The following SPATS2L variants were observed in gnomAD, a reference collection of about 807,000 sequenced individuals.
The protein encoded by SPATS2L is spermatogenesis associated serine rich 2 like, also known as SPATS2-like protein.
In SPATS2L, 30 loss-of-function variants were observed where a neutral mutation model predicts 59.6. The observed-to-expected ratio is 0.50, with a 90% CI of 0.38 to 0.68. The LOEUF is 0.68. SPATS2L is among the 30% of genes least tolerant of loss of function. The probability of loss-of-function intolerance (pLI) is 0.00; values close to 1 mark genes in which losing one functional copy is unlikely to be tolerated. For synonymous variants in SPATS2L, 252 were observed against 263.5 expected (o/e 0.96, Z 0.42); for missense variants, 615 against 700.0 (o/e 0.88, Z 1.37).
At chr2:200,341,253 A>G (rs894153590) in intron 2 of SPATS2L, among the ~76,000 whole-genome samples, 1 of 152,200 alleles carries the variant, frequency 6.6e-6, no homozygotes, top group Non-Finnish European at 1.5e-5. Context: ...AACCCTGGGC[A>G]GGGCCTGGAT....
chr2:200,473,083 GAAAA>G (rs11402412), intron 12 of SPATS2L, 31 bp downstream of exon 12: 21 of 1,233,218 alleles, frequency 1.7e-5, no homozygotes, highest in African/African-American at 3.3e-5. Flanking sequence ...GGTGCCAGAG[GAAAA>G]AAAAAAAAAA....
At chr2:200,307,833 T>A (rs62179506) in intron 1 of SPATS2L, among the ~76,000 whole-genome samples, 141 of 152,380 alleles carry the variant, frequency 9.3e-4, no homozygotes, top group Admixed American at 2.2e-3. Context: ...TTTTAGCAGA[T>A]GTCGGGGTTT....
intron 10 of SPATS2L, among the ~76,000 whole-genome samples, chr2:200,467,784 T>C (rs2086702699): frequency 6.6e-6 from 1 of 152,170 alleles, no homozygotes; most frequent in South Asian, 2.1e-4. Context: ...ATGAACGTAG[T>C]GTAATGGTGA....
At chr2:200,437,316 A>ATG (rs2084366230) in intron 6 of SPATS2L, among the ~76,000 whole-genome samples, 2 of 152,234 alleles carry the variant, frequency 1.3e-5, no homozygotes, top group South Asian at 4.1e-4. Context: ...TTTAACACAA[A>ATG]TGTTTATAGA....
chr2:200,372,095 A>G (rs905486349), intron 2 of SPATS2L: 14 of 985,208 alleles, frequency 1.4e-5, no homozygotes, highest in African/African-American at 5.2e-5. Flanking sequence ...CTTGGCTTCA[A>G]TTTTTGCTTC....
At chr2:200,437,672 C>T (rs1430004521) in intron 6 of SPATS2L, among the ~76,000 whole-genome samples, 1 of 152,114 alleles carries the variant, frequency 6.6e-6, no homozygotes, top group Non-Finnish European at 1.5e-5. Context: ...ATTTTGTGTA[C>T]TGTGAGTAAA....
intron 8 of SPATS2L, among the ~76,000 whole-genome samples, chr2:200,444,415 G>A (rs2084899191): frequency 6.6e-6 from 1 of 152,142 alleles, no homozygotes; most frequent in South Asian, 2.1e-4. Flanking sequence ...TCTGTTAGGT[G>A]CTATTGTCAA....
Position 200,478,097 on chromosome 2 carries a change from G to C in SPATS2L, c.*66G>C, listed in dbSNP as rs1367000313. ...CCTGCCCGAGGTGCTGACCCAATTC[G>C]CTGCCAAAAGAGTGTCAATCAGAAT... On this transcript the variant is annotated 3_prime_UTR_variant, in exon 13 of 13. Transcript: ENST00000409140. 2.1e-6 allele frequency: 3 copies of C among 1,435,748 alleles called. No homozygotes were observed. Among genetic ancestry groups the C allele is most frequent in the Non-Finnish European group, 2.8e-6 (3 of 1,074,124 alleles). The allele number at this position is 1,435,748 out of a possible 1,614,324, so 88.9% of individuals were successfully genotyped here.
chr2:200,327,421 A>G (rs7423647), intron 1 of SPATS2L, among the ~76,000 whole-genome samples: 16,987 of 151,694 alleles, frequency 0.11, 987 homozygotes, highest in Non-Finnish European at 0.13. Flanking sequence ...AAAAGCTATC[A>G]TTGCCCTCTC....
At chr2:200,357,124 T>C (rs1023619893) in intron 2 of SPATS2L, among the ~76,000 whole-genome samples, 3 of 152,242 alleles carry the variant, frequency 2.0e-5, no homozygotes, top group African/African-American at 7.2e-5. Context: ...TTACTGAATA[T>C]TTTCTTGAGA....
chr2:200,450,275 T>A (rs2085347404), intron 8 of SPATS2L, among the ~76,000 whole-genome samples: 1 of 152,214 alleles, frequency 6.6e-6, no homozygotes. Flanking sequence ...TTGATTCTCT[T>A]CCAGAGTAGC....
At chr2:200,374,864 G>C (rs1028377015) in intron 2 of SPATS2L, among the ~76,000 whole-genome samples, 1 of 152,048 alleles carries the variant, frequency 6.6e-6, no homozygotes, top group Non-Finnish European at 1.5e-5. Flanking sequence ...AATAATATAT[G>C]GTATTATATT....
intron 2 of SPATS2L, among the ~76,000 whole-genome samples, chr2:200,364,509 G>C (rs1362784137): frequency 1.3e-5 from 2 of 152,188 alleles, no homozygotes; most frequent in African/African-American, 4.8e-5. Context: ...AGTGGCAACT[G>C]TCAAGTCTTA....
chr2:200,358,610 G>A (rs1406213328), intron 2 of SPATS2L, among the ~76,000 whole-genome samples: 3 of 144,842 alleles, frequency 2.1e-5, no homozygotes, highest in Non-Finnish European at 4.6e-5. Context: ...TTTTTTTTAA[G>A]GCAGAGTGCC....
At chr2:200,462,470 T>C (rs2086306624) in intron 9 of SPATS2L, among the ~76,000 whole-genome samples, 1 of 152,198 alleles carries the variant, frequency 6.6e-6, no homozygotes, top group African/African-American at 2.4e-5. Flanking sequence ...CTAACTTGAG[T>C]AATTGGTATG....
At chr2:200,311,847 A>C (rs537012013) in intron 1 of SPATS2L, among the ~76,000 whole-genome samples, 18 of 152,270 alleles carry the variant, frequency 1.2e-4, no homozygotes, top group South Asian at 1.0e-3. Flanking sequence ...GAGTGGAGGG[A>C]ATCTTCTTAG....
chr2:200,464,448 A>G (rs12996705), intron 9 of SPATS2L, among the ~76,000 whole-genome samples: 9,538 of 152,162 alleles, frequency 0.063, 335 homozygotes, highest in East Asian at 0.12. Flanking sequence ...ATTTATATCT[A>G]TTTCTACAAA....
At chr2:200,419,771 G>C (rs1217623173) in intron 6 of SPATS2L, among the ~76,000 whole-genome samples, 1 of 148,094 alleles carries the variant, frequency 6.8e-6, no homozygotes, top group Non-Finnish European at 1.5e-5. Flanking sequence ...GCAGTGGTGT[G>C]GTCATAGCTC....
At chr2:200,413,204 G>A (rs1027444537) in intron 4 of SPATS2L, among the ~76,000 whole-genome samples, 2 of 152,154 alleles carry the variant, frequency 1.3e-5, no homozygotes, top group African/African-American at 4.8e-5. Flanking sequence ...TAAACCTGAT[G>A]CTTATGTAGT....
Sources: allele counts gnomAD v4.1 joint callset (sites outside exome capture counted in the v4.1 genomes callset), GRCh38; gene constraint gnomAD v4.1.1; transcripts MANE v1.5; gene names NCBI Gene and HGNC (gene_info 2026-07-23, HGNC 2026-07-21).